Variants in UBA6 observed in about 807,000 individuals in gnomAD.
UBA6 encodes ubiquitin like modifier activating enzyme 6, also known as ubiquitin-like modifier-activating enzyme 6.
UBA6 carries 87 observed loss-of-function variants against 148.3 expected under a neutral mutation model. The ratio of observed to expected loss-of-function variants is 0.59; its 90% confidence interval spans 0.49 to 0.70. UBA6 has a LOEUF of 0.70. UBA6 is among the 30% of genes least tolerant of loss of function. UBA6 has a pLI of 0.00. For missense variants in UBA6, 1,186 were observed against 1,241.2 expected, an observed-to-expected ratio of 0.96 and a Z score of 0.67; for synonymous variants, 376 against 401.0, an observed-to-expected ratio of 0.94 and a Z score of 0.75.
chr4:67,653,762 C>T (rs1364553057), intron 13 of UBA6, among the ~76,000 whole-genome samples: 1 of 152,104 alleles, frequency 6.6e-6, no homozygotes, highest in Non-Finnish European at 1.5e-5. Context: ...ATGTTCTAAC[C>T]CATTGCAAGG....
chr4:67,647,535 T>C (rs1223591431), intron 14 of UBA6, among the ~76,000 whole-genome samples: 2 of 152,124 alleles, frequency 1.3e-5, no homozygotes, highest in African/African-American at 4.8e-5. Flanking sequence ...ATACTATGTG[T>C]ATGTGTATGT....
At chr4:67,696,050 C>G (rs190003997) in intron 2 of UBA6, among the ~76,000 whole-genome samples, 1 of 152,144 alleles carries the variant, frequency 6.6e-6, no homozygotes, top group Non-Finnish European at 1.5e-5. Flanking sequence ...AAAGTCCCAT[C>G]AAATTCCATT....
chr4:67,677,140 A>C (rs1364838663), intron 6 of UBA6, among the ~76,000 whole-genome samples: 1 of 152,186 alleles, frequency 6.6e-6, no homozygotes, highest in Non-Finnish European at 1.5e-5. Flanking sequence ...AATGGACACA[A>C]CAAAAACAGA....
intron 4 of UBA6, among the ~76,000 whole-genome samples, chr4:67,679,737 C>T (rs140056578): frequency 1.4e-3 from 218 of 151,922 alleles, no homozygotes; most frequent in African/African-American, 4.9e-3. Flanking sequence ...AATAAATATC[C>T]TATAATCCAA....
At chr4:67,628,573 T>G (rs1050479540) in intron 27 of UBA6, among the ~76,000 whole-genome samples, 1 of 151,984 alleles carries the variant, frequency 6.6e-6, no homozygotes, top group East Asian at 1.9e-4. Flanking sequence ...GCACTTACAC[T>G]CACACTGCAA....
At chr4:67,633,836 A>G (rs1729059040) in intron 22 of UBA6, among the ~76,000 whole-genome samples, 1 of 152,114 alleles carries the variant, frequency 6.6e-6, no homozygotes, top group African/African-American at 2.4e-5. Flanking sequence ...AAGTGAGAAA[A>G]CATCTTTAAA....
intron 9 of UBA6, among the ~76,000 whole-genome samples, chr4:67,666,649 G>A (rs1383811770): frequency 6.6e-6 from 1 of 152,074 alleles, no homozygotes; most frequent in Non-Finnish European, 1.5e-5. Context: ...GCCAAGGCGA[G>A]AGGATCACCT....
intron 13 of UBA6, among the ~76,000 whole-genome samples, chr4:67,653,712 A>G (rs1729613771): frequency 6.6e-6 from 1 of 152,230 alleles, no homozygotes; most frequent in South Asian, 2.1e-4. Context: ...AGTAGGCTTC[A>G]GAAGGTTGGT....
chr4:67,696,877 T>C lies in UBA6; in HGVS notation c.72-170A>G, dbSNP rs372578875. Reference sequence around the variant, plus strand: ...ATGGCCTGAAATTAAATTATCGGATTGCTTGTTCTATCCTGTGTAAATTTT... The same window carrying C: ...ATGGCCTGAAATTAAATTATCGGATCGCTTGTTCTATCCTGTGTAAATTTT... On this transcript the variant is annotated intron_variant, in intron 1 of 32. Transcript: ENST00000322244. 1.5e-3 allele frequency among the ~76,000 whole-genome samples: 222 copies of C among 152,348 alleles called. 4 individuals are homozygous for C. In the South Asian group the frequency reaches 0.023, roughly 16 times the overall value.
intron 2 of UBA6, among the ~76,000 whole-genome samples, chr4:67,694,297 A>AAAC (rs71219067): frequency 1.3e-5 from 2 of 149,118 alleles, no homozygotes; most frequent in Non-Finnish European, 3.0e-5. Flanking sequence ...AAAAAAAAAA[A>AAAC]CCCTCAAACA....
intron 6 of UBA6, among the ~76,000 whole-genome samples, chr4:67,677,005 C>A (rs551868914): frequency 2.6e-5 from 4 of 152,112 alleles, no homozygotes; most frequent in African/African-American, 9.6e-5. Flanking sequence ...ATAGATTGAA[C>A]TACTGATCCA....
intron 23 of UBA6, among the ~76,000 whole-genome samples, chr4:67,632,616 G>A (rs1477951794): frequency 6.6e-6 from 1 of 152,158 alleles, no homozygotes; most frequent in East Asian, 1.9e-4. Context: ...AATTTACTGG[G>A]TAAAGAAGTG....
In UBA6 at chr4:67,677,812, T is replaced by G. The variant is rs189844149; in HGVS notation, c.354-90A>C. 416 of 603,140 alleles carry G rather than the reference T, an allele frequency of 6.9e-4. 2 individuals carry two copies. The African/African-American group carries it at 7.1e-3, about 10-fold the overall frequency. 37.4% of individuals were successfully genotyped at this position (603,140 alleles called of 1,614,324 possible). A position where few individuals can be genotyped will look rare whatever the true frequency, so the allele number is the denominator to read the frequency against. On this transcript the variant is annotated intron_variant, in intron 5 of 32. Transcript: ENST00000322244. The stretch of plus-strand genomic sequence containing the variant: ...ACACTGTAATGACATCAGAGGAACC[T>G]GACATGTTACAAAATTTCAATGGAA...
At chr4:67,694,287 A>T (rs1415619463) in intron 2 of UBA6, among the ~76,000 whole-genome samples, 3 of 132,304 alleles carry the variant, frequency 2.3e-5, no homozygotes, top group Non-Finnish European at 4.8e-5. Flanking sequence ...CAGTCACTAT[A>T]AAAAAAAAAA....
At chr4:67,693,125 C>T (rs767787737) in intron 2 of UBA6, among the ~76,000 whole-genome samples, 2 of 152,136 alleles carry the variant, frequency 1.3e-5, no homozygotes, top group East Asian at 3.9e-4. Flanking sequence ...CTTCTGCCTC[C>T]ACCTCTTTTG....
At chr4:67,670,305 A>G (rs1426071838) in intron 8 of UBA6, among the ~76,000 whole-genome samples, 165 bp downstream of exon 8, 2 of 152,228 alleles carry the variant, frequency 1.3e-5, no homozygotes, top group Non-Finnish European at 2.9e-5. Flanking sequence ...TTCCAGTTTT[A>G]ATACAATGCA....
chr4:67,693,687 T>C (rs1730752492), intron 2 of UBA6, among the ~76,000 whole-genome samples: 3 of 152,196 alleles, frequency 2.0e-5, no homozygotes, highest in South Asian at 2.1e-4. Context: ...ACTTGTACTA[T>C]GAGACAAAAT....
intron 17 of UBA6, among the ~76,000 whole-genome samples, chr4:67,644,314 T>C (rs755979755): frequency 2.0e-5 from 3 of 152,130 alleles, no homozygotes; most frequent in Non-Finnish European, 2.9e-5. Context: ...CTCTGCAACT[T>C]TGTAATGTTA....
rs1729236199 is a variant in UBA6 at position 67,638,993 on chromosome 4, A to G, written c.1686T>C (p.Asp562=). 1 of 1,612,274 alleles carries G rather than the reference A, an allele frequency of 6.2e-7. No homozygotes were observed. Among genetic ancestry groups the G allele is most frequent in the African/African-American group, 1.3e-5 (1 of 74,864 alleles). ...IYNDEFYTKQ[D]VIITALDNVE... Reference sequence around the variant, plus strand: ...CATTATCTAATGCTGTAATAATTACATCTTGTTTAGTATAGAACTCATCAT... The same window carrying G: ...CATTATCTAATGCTGTAATAATTACGTCTTGTTTAGTATAGAACTCATCAT... The change falls in exon 19 of 33, where the codon GAT becomes GAC. Residue 562 remains aspartate (D), a synonymous_variant. Coordinates refer to ENST00000322244, the MANE Select transcript of UBA6 (RefSeq NM_018227.6).
Sources: gnomAD v4.1 joint callset for allele counts (sites outside exome capture counted in the v4.1 genomes callset) on GRCh38, gnomAD v4.1.1 for gene constraint, MANE v1.5 for transcripts, NCBI Gene and HGNC (gene_info 2026-07-23, HGNC 2026-07-21) for gene names.